The following EPHA6 variants were observed in gnomAD, a reference collection of about 807,000 sequenced individuals.
EPHA6 encodes EPH receptor A6.
In EPHA6, 50 loss-of-function variants were observed where a neutral mutation model predicts 112.0. The observed-to-expected ratio is 0.45, with a 90% confidence interval of 0.36 to 0.56. The LOEUF (loss-of-function observed/expected upper bound fraction) is 0.56. Among genes scored for constraint, EPHA6 ranks in the 20% least tolerant of loss-of-function variants. EPHA6 has a pLI of 0.00. For synonymous variants in EPHA6, 529 were observed against 490.7 expected (o/e 1.08, Z -1.03); for missense variants, 1,280 against 1,417.4 (o/e 0.90, Z 1.56).
chr3:97,022,610 A>T (rs966263884), intron 3 of EPHA6, among the ~76,000 whole-genome samples: 3 of 151,912 alleles, frequency 2.0e-5, no homozygotes, highest in African/African-American at 7.3e-5. Context: ...TTCTTACTTG[A>T]CTCAATCAGA....
At chr3:97,583,503 C>T (rs1189783447) in intron 11 of EPHA6, among the ~76,000 whole-genome samples, 1 of 150,808 alleles carries the variant, frequency 6.6e-6, no homozygotes, top group Non-Finnish European at 1.5e-5. Flanking sequence ...CGTGCCACTG[C>T]ACTCCAGCCT....
chr3:97,501,126 G>C lies in EPHA6; in HGVS notation c.2200+17067G>C, dbSNP rs145034342. Among the ~76,000 whole-genome samples the C allele has an allele frequency of 2.0e-5, 3 of 152,262 alleles. No homozygotes were observed. The East Asian group carries it at 5.8e-4, about 29-fold the overall frequency. On this transcript the variant is annotated intron_variant, in intron 10 of 17. Transcript: ENST00000389672. ...TGTAAAATAAAACTTGATGGTCACA[G>C]TACAACCAGAAATTGAGAAATCTGC...
At chr3:97,602,408 C>G (rs1399340537) in intron 12 of EPHA6, among the ~76,000 whole-genome samples, 2 of 151,930 alleles carry the variant, frequency 1.3e-5, no homozygotes, top group African/African-American at 4.8e-5. Flanking sequence ...TAATACCCTT[C>G]CAGGATATTT....
intron 6 of EPHA6, among the ~76,000 whole-genome samples, chr3:97,409,857 G>A (rs1389944800): frequency 6.6e-6 from 1 of 151,970 alleles, no homozygotes; most frequent in Non-Finnish European, 1.5e-5. Flanking sequence ...GAAAAAGGTA[G>A]CATTTCTTAT....
intron 14 of EPHA6, among the ~76,000 whole-genome samples, chr3:97,707,608 T>C (rs934297135): frequency 6.6e-6 from 1 of 152,144 alleles, no homozygotes; most frequent in Admixed American, 6.5e-5. Flanking sequence ...TGAGGATGAG[T>C]AGACTGTCTT....
chr3:97,606,888 GA>G (rs1191039560), intron 12 of EPHA6, among the ~76,000 whole-genome samples: 1 of 150,680 alleles, frequency 6.6e-6, no homozygotes, highest in East Asian at 1.9e-4. Context: ...GCAACTGGGG[GA>G]AAAAAATACA....
At chr3:97,511,283 G>A (rs956659441) in intron 10 of EPHA6, among the ~76,000 whole-genome samples, 1 of 152,068 alleles carries the variant, frequency 6.6e-6, no homozygotes, top group African/African-American at 2.4e-5. Flanking sequence ...GCCCAGTTTT[G>A]TGCTTGAAAT....
At chr3:97,324,090 C>G (rs2082249763) in intron 5 of EPHA6, among the ~76,000 whole-genome samples, 1 of 151,938 alleles carries the variant, frequency 6.6e-6, no homozygotes, top group African/African-American at 2.4e-5. Flanking sequence ...TACTTAGAAA[C>G]CTTATTTTCC....
At chr3:97,182,342 T>C (rs2077011958) in intron 3 of EPHA6, among the ~76,000 whole-genome samples, 1 of 148,904 alleles carries the variant, frequency 6.7e-6, no homozygotes, top group Non-Finnish European at 1.5e-5. Flanking sequence ...TATATATAAT[T>C]ATCATATTAT....
intron 3 of EPHA6, among the ~76,000 whole-genome samples, chr3:97,083,300 G>T (rs192536570): frequency 6.6e-6 from 1 of 152,078 alleles, no homozygotes; most frequent in Non-Finnish European, 1.5e-5. Flanking sequence ...ATTCTTTAGT[G>T]TGACAGTGAT....
intron 3 of EPHA6, among the ~76,000 whole-genome samples, chr3:97,201,174 G>A (rs1032849247): frequency 1.3e-5 from 2 of 152,052 alleles, no homozygotes; most frequent in African/African-American, 4.8e-5. Flanking sequence ...ATATGTTACA[G>A]AATTCAGTAA....
chr3:97,645,579 T>G (rs1345322456), intron 14 of EPHA6, among the ~76,000 whole-genome samples: 1 of 149,878 alleles, frequency 6.7e-6, no homozygotes, highest in East Asian at 2.0e-4. Flanking sequence ...GACGAGTTAG[T>G]GGGTGCAGTG....
At chr3:97,629,465 T>C (rs925879112) in intron 13 of EPHA6, among the ~76,000 whole-genome samples, 1 of 151,980 alleles carries the variant, frequency 6.6e-6, no homozygotes, top group Non-Finnish European at 1.5e-5. Context: ...ATTAGGAGTT[T>C]AAGCAGCAAT....
At chr3:96,909,902 C>A (rs753072260) in intron 2 of EPHA6, among the ~76,000 whole-genome samples, 5 of 151,898 alleles carry the variant, frequency 3.3e-5, no homozygotes, top group Non-Finnish European at 7.4e-5. Flanking sequence ...GCATATATTT[C>A]TTCAATTATA....
chr3:97,127,127 A>G (rs568972169), intron 3 of EPHA6, among the ~76,000 whole-genome samples: 1 of 152,306 alleles, frequency 6.6e-6, no homozygotes, highest in South Asian at 2.1e-4. Flanking sequence ...TAAGGAAATG[A>G]AGACCCAAGT....
At chr3:97,338,818 A>G (rs2083176653) in intron 5 of EPHA6, among the ~76,000 whole-genome samples, 1 of 152,196 alleles carries the variant, frequency 6.6e-6, no homozygotes, top group African/African-American at 2.4e-5. Context: ...AAGGGTGAAC[A>G]AGACTTAATG....
At chr3:96,828,177 C>T in intron 1 of EPHA6, among the ~76,000 whole-genome samples, 1 of 152,078 alleles carries the variant, frequency 6.6e-6, no homozygotes, top group East Asian at 1.9e-4. Flanking sequence ...ATCTCCTAAA[C>T]ATATCAGAGT....
intron 3 of EPHA6, among the ~76,000 whole-genome samples, chr3:97,109,636 G>A (rs1027500264): frequency 3.3e-5 from 5 of 152,152 alleles, no homozygotes; most frequent in Admixed American, 2.6e-4. Flanking sequence ...GAAGCTAGGA[G>A]CAGCACGGTG....
chr3:97,115,188 T>C (rs1166722430), intron 3 of EPHA6, among the ~76,000 whole-genome samples: 1 of 151,958 alleles, frequency 6.6e-6, no homozygotes, highest in Non-Finnish European at 1.5e-5. Context: ...GTTCTGTTTT[T>C]GAGAAAGAGG....
Sources: gnomAD v4.1 joint callset for allele counts (sites outside exome capture counted in the v4.1 genomes callset) on GRCh38, gnomAD v4.1.1 for gene constraint, MANE v1.5 for transcripts, NCBI Gene and HGNC (gene_info 2026-07-23, HGNC 2026-07-21) for gene names.